Variants in STIL observed in about 807,000 individuals in gnomAD.
STIL encodes the protein STIL centriolar assembly protein.
In STIL, 55 loss-of-function variants were observed where a neutral mutation model predicts 110.1. That is an observed-to-expected ratio of 0.50 (90% CI 0.40 to 0.63). STIL has a LOEUF of 0.63. Ranked by LOEUF, STIL falls within the 20% of genes least tolerant of loss-of-function variation. STIL has a pLI of 0.00. For synonymous variants in STIL, 481 were observed against 530.0 expected (o/e 0.91, Z 1.27); for missense variants, 1,358 against 1,530.0 (o/e 0.89, Z 1.87).
intron 12 of STIL, among the ~76,000 whole-genome samples, chr1:47,276,545 C>T (rs1426312287): frequency 4.6e-5 from 7 of 151,830 alleles, no homozygotes; most frequent in African/African-American, 7.3e-5. Flanking sequence ...TGGTGGCTCA[C>T]ACCTGTAATC....
In STIL at chr1:47,265,257, A is replaced by AAAAAAAAAAAAAAG. The variant is rs1557714156; in HGVS notation, c.2616-2142_2616-2141insCTTTTTTTTTTTTT. Among the ~76,000 whole-genome samples the AAAAAAAAAAAAAAG allele has an allele frequency of 6.0e-5, 9 of 150,872 alleles. No homozygotes were observed. In the East Asian group the frequency reaches 1.6e-3, roughly 27 times the overall value. ...TCTCCCAAAAAAAAAAAAAAAAAAA[A>AAAAAAAAAAAAAAG]AAACACAAGATTGGATATTTTTTAA... On this transcript the variant is annotated intron_variant, in intron 14 of 16. Transcript: ENST00000371877.
At chr1:47,287,464 A>G in intron 10 of STIL, 87 bp downstream of exon 10, 1 of 832,922 alleles carries the variant, frequency 1.2e-6, no homozygotes, top group South Asian at 1.7e-5. Context: ...TCATTTCATC[A>G]GAAATAATTT....
intron 14 of STIL, among the ~76,000 whole-genome samples, chr1:47,269,086 G>A (rs1195737583): frequency 8.6e-5 from 12 of 140,254 alleles, no homozygotes; most frequent in Non-Finnish European, 1.8e-4. Context: ...GCGGGACTCC[G>A]TCAAAAAAAA....
chr1:47,306,143 T>C (rs1570288581), intron 2 of STIL, among the ~76,000 whole-genome samples: 1 of 152,214 alleles, frequency 6.6e-6, no homozygotes, highest in East Asian at 1.9e-4. Flanking sequence ...TAAATTTATG[T>C]ATACACAAGC....
chr1:47,297,854 C>T (rs902828433), intron 6 of STIL, among the ~76,000 whole-genome samples: 1 of 152,090 alleles, frequency 6.6e-6, no homozygotes, highest in Non-Finnish European at 1.5e-5. Flanking sequence ...CCAGCATGCC[C>T]GCCCAGCAGT....
chr1:47,291,042 C>T (rs369736001), intron 8 of STIL, among the ~76,000 whole-genome samples: 2 of 152,254 alleles, frequency 1.3e-5, no homozygotes, highest in South Asian at 4.1e-4. Context: ...CACCTTAAGT[C>T]GGCCTCCCTG....
intron 1 of STIL, among the ~76,000 whole-genome samples, chr1:47,312,714 T>G (rs1646170869): frequency 1.3e-5 from 2 of 152,214 alleles, no homozygotes; most frequent in South Asian, 4.1e-4. Context: ...AGATGGATAA[T>G]GTTGATTTCT....
At chr1:47,270,235 A>ATAT (rs1553172305) in intron 13 of STIL, among the ~76,000 whole-genome samples, 338 of 102,324 alleles carry the variant, frequency 3.3e-3, no homozygotes, top group African/African-American at 0.012. Flanking sequence ...CTCAAAAAAA[A>ATAT]AAAAAAATAT....
chr1:47,288,302 CT>C (rs908719332), intron 9 of STIL, among the ~76,000 whole-genome samples: 60 of 146,026 alleles, frequency 4.1e-4, no homozygotes, highest in African/African-American at 3.7e-4. Flanking sequence ...TCTACTTCCT[CT>C]TTTTTTTTTT....
At chr1:47,271,698 T>C (rs1644845479) in intron 13 of STIL, among the ~76,000 whole-genome samples, 1 of 151,748 alleles carries the variant, frequency 6.6e-6, no homozygotes, top group Non-Finnish European at 1.5e-5. Context: ...CCCAACACTT[T>C]GGGAGGCTGA....
chr1:47,280,871 C>A lies in STIL; in HGVS notation c.1587G>T (p.Gly529=). 1 of 1,614,136 alleles carries A rather than the reference C, an allele frequency of 6.2e-7. No homozygotes were observed. The highest frequency in any genetic ancestry group is 2.2e-5 in the East Asian group (1 of 44,888). ...RNSIKPSSHN[G]PSHDIFEKLQ... ...GCTTTTCAAATATATCATGAGATGG[C>A]CCATTATGAGAAGATGGTTTAATAC... The change falls in exon 12 of 17, where the codon GGG becomes GGT. Residue 529 remains glycine (G), a synonymous_variant. Transcript: ENST00000371877.
At chr1:47,302,426 T>G in intron 3 of STIL, 80 bp from the exon 4 acceptor site, 1 of 1,035,288 alleles carries the variant, frequency 9.7e-7, no homozygotes, top group South Asian at 1.3e-5. Flanking sequence ...GCTGTCTAAA[T>G]TATAACACAC....
At chr1:47,310,383 T>C in intron 1 of STIL, 21 bp from the exon 2 acceptor site, 1 of 1,434,450 alleles carries the variant, frequency 7.0e-7, no homozygotes, top group East Asian at 2.3e-5. Flanking sequence ...AAAGAGAATA[T>C]TACTAATGAA....
At chr1:47,285,949 A>G (rs1335306920) in intron 10 of STIL, among the ~76,000 whole-genome samples, 1 of 151,770 alleles carries the variant, frequency 6.6e-6, no homozygotes. Flanking sequence ...ATCTCAGCTC[A>G]CTGCAACCTC....
chr1:47,279,295 A>C (rs1371611833), intron 12 of STIL, among the ~76,000 whole-genome samples: 7 of 150,508 alleles, frequency 4.7e-5, no homozygotes, highest in African/African-American at 1.5e-4. Flanking sequence ...AAAAAAAAAA[A>C]AAAAATCATA....
In STIL at chr1:47,272,083, C is replaced by T; in HGVS notation, c.2376G>A (p.Val792=). 1.9e-6 allele frequency: 3 copies of T among 1,614,050 alleles called. No individual in the cohort carries two copies. The highest frequency in any genetic ancestry group is 2.5e-6 in the Non-Finnish European group (3 of 1,179,978). The change falls in exon 13 of 17, where the codon GTG becomes GTA. Residue 792 remains valine (V), a synonymous_variant. Transcript: ENST00000371877. ...LHMRKGVSIA[V]STGASLFWNA... is the part of the protein sequence containing the mutation. ...AAAAAAAACTGAAATTACCTGTGCT[C>T]ACAGCAATGCTTACACCTTTTCTCA...
Position 47,260,496 on chromosome 1 carries a change from T to G in STIL, c.2873A>C (p.Glu958Ala). Reference sequence around the variant, plus strand: ...AATTACTGCTTTGGTAGACGGCTGCTCAGTTTCCTTGGAGGAACTATTTAA... The same window carrying G: ...AATTACTGCTTTGGTAGACGGCTGCGCAGTTTCCTTGGAGGAACTATTTAA... ...HLLNSSSKET[E>A]QPSTKAVIIS... Residue 958 changes from glutamate (E) to alanine (A), a missense_variant, in exon 16 of 17, where the codon GAG becomes GCG. By Grantham distance (107) the Glu-to-Ala change is moderately radical. Coordinates refer to ENST00000371877, the MANE Select transcript of STIL (RefSeq NM_001048166.1). The G allele has an allele frequency of 6.2e-7, 1 of 1,614,232 alleles. No homozygotes were observed. Among genetic ancestry groups the G allele is most frequent in the Non-Finnish European group, 8.5e-7 (1 of 1,180,030 alleles).
At chr1:47,295,984 C>T (rs759249229) in intron 6 of STIL, 136 bp from the exon 7 acceptor site, 8 of 664,542 alleles carry the variant, frequency 1.2e-5, no homozygotes, top group Non-Finnish European at 1.6e-5. Context: ...ACAAAAGAAA[C>T]AGAAACTTTT....
chr1:47,309,086 T>C (rs1379764464), intron 2 of STIL, among the ~76,000 whole-genome samples: 1 of 151,724 alleles, frequency 6.6e-6, no homozygotes, highest in Non-Finnish European at 1.5e-5. Context: ...ATTAAAAGTG[T>C]ACAGTTGGAT....
Sources: allele counts gnomAD v4.1 joint callset (sites outside exome capture counted in the v4.1 genomes callset), GRCh38; gene constraint gnomAD v4.1.1; transcripts MANE v1.5; gene names NCBI Gene and HGNC (gene_info 2026-07-23, HGNC 2026-07-21).